Variants in RORA observed in about 807,000 individuals in gnomAD.
The protein encoded by RORA is RAR related orphan receptor A, also known as nuclear receptor ROR-alpha.
RORA carries 7 observed loss-of-function variants against 69.5 expected under a neutral mutation model. That is an observed-to-expected ratio of 0.10 (90% confidence interval 0.06 to 0.19). RORA has a LOEUF of 0.19. RORA is among the 10% of genes least tolerant of loss of function. RORA has a pLI of 1.00. For missense variants in RORA, 457 were observed against 663.0 expected (o/e 0.69, Z 3.41); for synonymous variants, 261 against 240.8 (o/e 1.08, Z -0.78).
intron 1 of RORA, among the ~76,000 whole-genome samples, chr15:60,799,725 C>A (rs1489469123): frequency 7.9e-5 from 12 of 152,054 alleles, no homozygotes; most frequent in Admixed American, 7.2e-4. Context: ...GTCTTACTTT[C>A]CCCTGCAATC....
chr15:60,514,526 C>T (rs896377603), intron 4 of RORA, 90 bp downstream of exon 4: 6 of 1,279,778 alleles, frequency 4.7e-6, no homozygotes, highest in South Asian at 1.3e-5. Context: ...AGGGGGCAGG[C>T]GGGGCAGATA....
chr15:60,768,260 C>G (rs1349801849), intron 1 of RORA, among the ~76,000 whole-genome samples: 1 of 152,198 alleles, frequency 6.6e-6, no homozygotes, highest in African/African-American at 2.4e-5. Flanking sequence ...CAAGCAACTT[C>G]AAATTTGAAA....
intron 1 of RORA, among the ~76,000 whole-genome samples, chr15:60,886,061 G>A (rs190317508): frequency 6.6e-6 from 1 of 152,252 alleles, no homozygotes; most frequent in African/African-American, 2.4e-5. Context: ...CTGACTGACT[G>A]TTAGACCTTC....
At chr15:60,791,583 A>G (rs769410963) in intron 1 of RORA, among the ~76,000 whole-genome samples, 12 of 152,218 alleles carry the variant, frequency 7.9e-5, no homozygotes, top group Non-Finnish European at 1.2e-4. Context: ...CAAGAACATA[A>G]GGGGAGAAAT....
At chr15:60,657,033 G>C (rs2070231285) in intron 2 of RORA, among the ~76,000 whole-genome samples, 1 of 152,326 alleles carries the variant, frequency 6.6e-6, no homozygotes, top group South Asian at 2.1e-4. Flanking sequence ...TGGGTCATGT[G>C]TCTGCAGCAC....
At chr15:60,818,034 A>G (rs191209663) in intron 1 of RORA, among the ~76,000 whole-genome samples, 2 of 152,362 alleles carry the variant, frequency 1.3e-5, no homozygotes, top group African/African-American at 4.8e-5. Flanking sequence ...TGAAGAAATG[A>G]AAAAGAAAAG....
intron 1 of RORA, among the ~76,000 whole-genome samples, chr15:60,789,417 T>C (rs1019817563): frequency 2.6e-5 from 4 of 152,268 alleles, no homozygotes; most frequent in African/African-American, 9.6e-5. Flanking sequence ...CTTCCTTCTA[T>C]TCCATGGCCA....
At chr15:60,515,973 T>TTA (rs1160436999) in intron 3 of RORA, among the ~76,000 whole-genome samples, 218 of 16,734 alleles carry the variant, frequency 0.013, 61 homozygotes, top group African/African-American at 0.037. Flanking sequence ...TTATATATAT[T>TTA]TATATATTTA....
chr15:60,518,469 G>C (rs2066041247), intron 3 of RORA, among the ~76,000 whole-genome samples: 1 of 152,224 alleles, frequency 6.6e-6, no homozygotes, highest in African/African-American at 2.4e-5. Flanking sequence ...GCAGACACTG[G>C]AGGGACTGCC....
At chr15:60,549,019 T>C (rs906266127) in intron 2 of RORA, among the ~76,000 whole-genome samples, 4 of 152,206 alleles carry the variant, frequency 2.6e-5, no homozygotes, top group African/African-American at 9.7e-5. Context: ...TTTAACATGG[T>C]CTTGTGGAAG....
chr15:60,509,536 C>T (rs547281341), intron 5 of RORA, among the ~76,000 whole-genome samples: 5 of 152,266 alleles, frequency 3.3e-5, no homozygotes, highest in African/African-American at 1.2e-4. Context: ...GTGCCATGTT[C>T]AAGGGCACGC....
At chr15:60,902,565 T>C (rs1213511004) in intron 1 of RORA, among the ~76,000 whole-genome samples, 1 of 152,204 alleles carries the variant, frequency 6.6e-6, no homozygotes, top group Non-Finnish European at 1.5e-5. Flanking sequence ...AGACTCTATC[T>C]TGTGTTGTTT....
chr15:61,064,534 G>T (rs1404768505), intron 1 of RORA, among the ~76,000 whole-genome samples: 4 of 152,142 alleles, frequency 2.6e-5, no homozygotes, highest in Non-Finnish European at 5.9e-5. Context: ...TGTTAAAAAT[G>T]CTGACCCTCC....
chr15:61,188,876 C>T (rs988210085), intron 1 of RORA, among the ~76,000 whole-genome samples: 3 of 152,180 alleles, frequency 2.0e-5, no homozygotes, highest in African/African-American at 4.8e-5. Context: ...TCCTAACCTA[C>T]GAGTGACCAA....
intron 2 of RORA, among the ~76,000 whole-genome samples, chr15:60,647,067 C>G (rs1306175514): frequency 6.6e-6 from 1 of 152,140 alleles, no homozygotes; most frequent in Non-Finnish European, 1.5e-5. Context: ...AAATGGTTCA[C>G]TTGGTATTGA....
intron 1 of RORA, among the ~76,000 whole-genome samples, chr15:60,888,592 A>C (rs922046118): frequency 6.6e-6 from 1 of 152,122 alleles, no homozygotes; most frequent in African/African-American, 2.4e-5. Flanking sequence ...CCCAAACCAC[A>C]AGGTAACAGC....
chr15:60,979,091 A>G (rs1377579894), intron 1 of RORA, among the ~76,000 whole-genome samples: 4 of 150,098 alleles, frequency 2.7e-5, no homozygotes, highest in Admixed American at 2.0e-4. Flanking sequence ...CCTCCTGAGT[A>G]GCTGGGACTA....
At chr15:60,568,938 T>C (rs2067792873) in intron 2 of RORA, among the ~76,000 whole-genome samples, 2 of 83,298 alleles carry the variant, frequency 2.4e-5, no homozygotes, top group African/African-American at 6.5e-5. Context: ...TTAGATGGTT[T>C]TGCGCTAAAA....
At chr15:60,826,500 G>A (rs1395944072) in intron 1 of RORA, among the ~76,000 whole-genome samples, 1 of 152,162 alleles carries the variant, frequency 6.6e-6, no homozygotes, top group Admixed American at 6.5e-5. Context: ...CCAGGCCATT[G>A]CAATGCTGAG....
Sources: allele counts gnomAD v4.1 joint callset (sites outside exome capture counted in the v4.1 genomes callset), GRCh38; gene constraint gnomAD v4.1.1; transcripts MANE v1.5; gene names NCBI Gene and HGNC (gene_info 2026-07-23, HGNC 2026-07-21).